ROBO2: variants seen among roughly 807,000 people sequenced by gnomAD.
ROBO2 encodes the protein roundabout guidance receptor 2.
Under a neutral mutation model 160.8 loss-of-function variants are expected in ROBO2, and 53 were observed. That is an observed-to-expected ratio of 0.33 (90% CI 0.26 to 0.41). The LOEUF is 0.41. Ranked by LOEUF, ROBO2 falls within the 10% of genes least tolerant of loss-of-function variation. ROBO2 has a pLI of 1.00. For synonymous variants in ROBO2, 664 were observed against 611.7 expected, an observed-to-expected ratio of 1.09 and a Z score of -1.26; for missense variants, 1,577 against 1,722.4, an observed-to-expected ratio of 0.92 and a Z score of 1.49.
intron 2 of ROBO2, among the ~76,000 whole-genome samples, chr3:77,188,626 C>G (rs147665352): frequency 4.6e-5 from 7 of 151,594 alleles, no homozygotes; most frequent in Admixed American, 1.3e-4. Context: ...CAAAATACAC[C>G]CTTTTCAGGA....
Position 76,400,507 on chromosome 3 carries a change from A to G in ROBO2, c.109+462905A>G, listed in dbSNP as rs150858163. On this transcript the variant is annotated intron_variant, in intron 2 of 26. Transcript: ENST00000487694. ...CTATTATTGGTTTGGACACTGAAAT[A>G]CAATTACTACAAAGAAACATACAGG... Among the ~76,000 whole-genome samples the G allele has an allele frequency of 1.3e-3, 204 of 151,712 alleles. 1 individual carries two copies. Among genetic ancestry groups the G allele is most frequent in the African/African-American group, 4.5e-3 (188 of 41,530 alleles).
rs554337099 is a variant in ROBO2 at position 76,220,124 on chromosome 3, C to T, written c.109+282522C>T. On this transcript the variant is annotated intron_variant, in intron 2 of 26. Coordinates refer to the ROBO2 transcript ENST00000487694. The stretch of plus-strand genomic sequence containing the variant: ...TTCTCACTCATAGGTGGGAATTGAA[C>T]AATGAGAACACATGGATACAGGAAG... 2.2e-5 allele frequency among the ~76,000 whole-genome samples: 3 copies of T among 137,654 alleles called. No homozygotes were observed. In the South Asian group the frequency reaches 6.8e-4, roughly 31 times the overall value. 90.3% of individuals were successfully genotyped at this position (137,654 alleles called of 152,430 possible).
chr3:76,294,438 A>G (rs1404860387), intron 2 of ROBO2, among the ~76,000 whole-genome samples: 1 of 152,170 alleles, frequency 6.6e-6, no homozygotes, highest in Non-Finnish European at 1.5e-5. Context: ...AGCAGCTTAA[A>G]GAGAGTTGTC....
At chr3:76,167,225 G>A (rs2072870637) in intron 2 of ROBO2, among the ~76,000 whole-genome samples, 1 of 152,170 alleles carries the variant, frequency 6.6e-6, no homozygotes, top group Admixed American at 6.5e-5. Flanking sequence ...ACAGGAGTAA[G>A]CCACTGTACC....
At chr3:77,401,709 T>C (rs2075812301) in intron 2 of ROBO2, among the ~76,000 whole-genome samples, 1 of 152,076 alleles carries the variant, frequency 6.6e-6, no homozygotes, top group African/African-American at 2.4e-5. Context: ...ACACCAGGAA[T>C]GTCAGGCAGC....
intron 2 of ROBO2, among the ~76,000 whole-genome samples, chr3:76,634,383 C>T (rs948480903): frequency 1.3e-5 from 2 of 152,138 alleles, no homozygotes; most frequent in African/African-American, 4.8e-5. Flanking sequence ...GCCTGGCCAA[C>T]ATGGTGAAAC....
At chr3:77,600,547 G>A (rs1471313628) in intron 19 of ROBO2, among the ~76,000 whole-genome samples, 1 of 152,182 alleles carries the variant, frequency 6.6e-6, no homozygotes, top group East Asian at 1.9e-4. Flanking sequence ...CATCGAAGTG[G>A]CTTGCAATCC....
At chr3:76,132,635 T>C (rs1057318167) in intron 2 of ROBO2, among the ~76,000 whole-genome samples, 2 of 152,114 alleles carry the variant, frequency 1.3e-5, no homozygotes, top group African/African-American at 2.4e-5. Flanking sequence ...TTTTACTATA[T>C]AGTGTTTGGG....
chr3:76,665,430 C>T (rs2091980918), intron 2 of ROBO2, among the ~76,000 whole-genome samples: 1 of 151,770 alleles, frequency 6.6e-6, no homozygotes, highest in South Asian at 2.1e-4. Context: ...TCAAATGTTG[C>T]ACCCACAGCT....
intron 2 of ROBO2, among the ~76,000 whole-genome samples, chr3:76,036,988 A>G (rs2067130575): frequency 6.6e-6 from 1 of 152,024 alleles, no homozygotes; most frequent in Admixed American, 6.6e-5. Flanking sequence ...TACTTTGGAA[A>G]AGCAATTATC....
At position 76,150,959 on chromosome 3, in the gene ROBO2, G is replaced by A. The variant is rs530848432; in HGVS notation, c.109+213357G>A. Among the ~76,000 whole-genome samples the A allele has an allele frequency of 4.5e-4, 69 of 152,148 alleles. 1 individual carries two copies. The highest frequency in any genetic ancestry group is 1.2e-3 in the South Asian group (6 of 4,804). ...ATAGAAACCTGCTTTGAGTTGAAAG[G>A]CATACACCATTTACTCAACATTTAA... is the stretch of plus-strand genomic sequence containing the variant. On this transcript the variant is annotated intron_variant, in intron 2 of 26. Coordinates refer to the ROBO2 transcript ENST00000487694.
chr3:76,419,654 A>G (rs565504644), intron 2 of ROBO2, among the ~76,000 whole-genome samples: 2 of 152,268 alleles, frequency 1.3e-5, no homozygotes, highest in African/African-American at 4.8e-5. Flanking sequence ...TTGAGGAAAG[A>G]GATGTACATT....
intron 2 of ROBO2, among the ~76,000 whole-genome samples, chr3:76,287,637 G>A (rs547358408): frequency 2.8e-4 from 43 of 152,152 alleles, no homozygotes; most frequent in African/African-American, 6.5e-4. Context: ...GGTGTTTTGC[G>A]TATTGGAAGG....
chr3:76,317,330 T>C (rs2072117195), intron 2 of ROBO2, among the ~76,000 whole-genome samples: 1 of 152,238 alleles, frequency 6.6e-6, no homozygotes, highest in Non-Finnish European at 1.5e-5. Context: ...TGGGAAATCA[T>C]TTTTATTACA....
chr3:77,321,735 C>A (rs1487137666), intron 2 of ROBO2, among the ~76,000 whole-genome samples: 2 of 152,040 alleles, frequency 1.3e-5, no homozygotes, highest in Non-Finnish European at 2.9e-5. Flanking sequence ...ATAATTTAGA[C>A]AATGTGCAGG....
In ROBO2 at chr3:76,348,516, T is replaced by C. The variant is rs537945158; in HGVS notation, c.109+410914T>C. On this transcript the variant is annotated intron_variant, in intron 2 of 26. Transcript: ENST00000487694. ...AAACATTTAAGAAGAATTAGGCTAC[T>C]TCTCCTGAAGGCAGCCCTTGGCATC... Among the ~76,000 whole-genome samples, 44 of 152,240 alleles carry C rather than the reference T, an allele frequency of 2.9e-4. No individual in the cohort carries two copies. The South Asian group carries it at 8.7e-3, about 30-fold the overall frequency.
intron 17 of ROBO2, 89 bp from the exon 19 acceptor site, chr3:77,595,053 A>G: frequency 5.6e-6 from 6 of 1,064,028 alleles, no homozygotes; most frequent in Non-Finnish European, 5.8e-6. Context: ...CCTCAGCTCT[A>G]AACTAAGGGC....
chr3:76,695,207 T>C (rs1360824064), intron 2 of ROBO2, among the ~76,000 whole-genome samples: 1 of 152,174 alleles, frequency 6.6e-6, no homozygotes, highest in Admixed American at 6.5e-5. Context: ...TGGGCACAGA[T>C]AATGAACCCC....
At chr3:76,964,429 G>C (rs1032896659) in intron 2 of ROBO2, among the ~76,000 whole-genome samples, 3 of 151,936 alleles carry the variant, frequency 2.0e-5, no homozygotes, top group African/African-American at 7.3e-5. Flanking sequence ...TGCAACCTCC[G>C]CCTCCCTGGT....
Sources: allele counts gnomAD v4.1 joint callset (sites outside exome capture counted in the v4.1 genomes callset), GRCh38; gene constraint gnomAD v4.1.1; transcripts MANE v1.5; gene names NCBI Gene and HGNC (gene_info 2026-07-23, HGNC 2026-07-21).